ZMYM5: variants seen among roughly 807,000 people sequenced by gnomAD.
The protein encoded by ZMYM5 is zinc finger MYM-type protein 5.
A neutral mutation model predicts 61.8 loss-of-function variants in ZMYM5; 41 were observed. The observed-to-expected ratio is 0.66, with a 90% CI of 0.52 to 0.86. ZMYM5 has a LOEUF of 0.86. Ranked by LOEUF, ZMYM5 falls within the 40% of genes least tolerant of loss-of-function variation. ZMYM5 has a pLI of 0.00. For missense variants in ZMYM5, 706 were observed against 786.7 expected, an observed-to-expected ratio of 0.90 and a Z score of 1.23; for synonymous variants, 257 against 276.4, an observed-to-expected ratio of 0.93 and a Z score of 0.70.
Position 19,827,884 on chromosome 13 carries a change from T to A in ZMYM5, c.1252-2649A>T, listed in dbSNP as rs78619873. Among the ~76,000 whole-genome samples the A allele has an allele frequency of 6.3e-3, 948 of 151,248 alleles. 14 individuals are homozygous for A. The highest frequency in any genetic ancestry group is 0.021 in the African/African-American group (869 of 41,232). ...AATACAGAAAGTTAGCCAGGCGTAG[T>A]GGTGGGCGCCTGTAGTCCCAGCTAC... On this transcript the variant is annotated intron_variant, in intron 7 of 7. Transcript: ENST00000337963.
At chr13:19,840,166 G>C (rs1952817542) in intron 4 of ZMYM5, among the ~76,000 whole-genome samples, 1 of 152,182 alleles carries the variant, frequency 6.6e-6, no homozygotes, top group South Asian at 2.1e-4. Context: ...GGACAGGTGA[G>C]GTGGCTCATG....
At chr13:19,833,969 C>T (rs1053021591) in intron 7 of ZMYM5, among the ~76,000 whole-genome samples, 1 of 152,068 alleles carries the variant, frequency 6.6e-6, no homozygotes, top group African/African-American at 2.4e-5. Flanking sequence ...TTGAGACCCA[C>T]CTGTATTTCC....
In ZMYM5 at chr13:19,837,719, G is replaced by A. The variant is rs1952719269; in HGVS notation, c.975C>T (p.Asn325=). Residue 325 remains asparagine, a synonymous_variant, in exon 6 of 8, where the codon AAC becomes AAT. Coordinates refer to ENST00000337963, the MANE Select transcript of ZMYM5 (RefSeq NM_001142684.2). ...TAAAAACTCCTTTTTTAAGATTCCA[G>A]TTGTTTTCACAGGGAGACAAACAAG... ...STSCLSPCEN[N]WNLKKGVFNK... 3 of 1,579,322 alleles carry A rather than the reference G, an allele frequency of 1.9e-6. No individual in the cohort carries two copies. Among genetic ancestry groups the A allele is most frequent in the South Asian group, 1.2e-5 (1 of 84,802 alleles).
At chr13:19,834,999 T>C (rs1487950987) in intron 7 of ZMYM5, among the ~76,000 whole-genome samples, 2 of 151,584 alleles carry the variant, frequency 1.3e-5, no homozygotes, top group African/African-American at 2.4e-5. Flanking sequence ...TCTTTCTTTT[T>C]TTTTTTTTTT....
chr13:19,856,554 C>A (rs980193405), intron 2 of ZMYM5, among the ~76,000 whole-genome samples: 1 of 151,732 alleles, frequency 6.6e-6, no homozygotes, highest in South Asian at 2.1e-4. Context: ...ACAGGAGAAT[C>A]GCCTGAACCC....
intron 4 of ZMYM5, among the ~76,000 whole-genome samples, chr13:19,839,420 G>A (rs1022547295): frequency 2.7e-5 from 4 of 150,932 alleles, no homozygotes; most frequent in Non-Finnish European, 5.9e-5. Flanking sequence ...ACAGAATCTC[G>A]CTCTTTCTCC....
intron 7 of ZMYM5, among the ~76,000 whole-genome samples, chr13:19,834,312 A>C (rs1413439832): frequency 6.6e-6 from 1 of 151,020 alleles, no homozygotes. Context: ...AGAAGAAAAA[A>C]AATTTTTTTC....
chr13:19,838,853 G>T lies in ZMYM5; in HGVS notation c.719C>A (p.Ala240Asp). ...TTTGCAATTTGCACAAGTGATTTTA[G>T]CTGGTTTAGTAAGTTGTTGTTGGGC... ...PTAQQQLTKPAKITCANCKKP... is the reference protein window; with the variant it reads ...PTAQQQLTKPDKITCANCKKP... Residue 240 changes from alanine (A) to aspartate (D), a missense_variant, in exon 5 of 8, where the codon GCT becomes GAT. By Grantham distance (126) the Ala-to-Asp change is moderately radical. Coordinates refer to ENST00000337963, the MANE Select transcript of ZMYM5 (RefSeq NM_001142684.2). 1 of 1,614,122 alleles carries T rather than the reference G, an allele frequency of 6.2e-7. No homozygotes were observed. Among genetic ancestry groups the T allele is most frequent in the Non-Finnish European group, 8.5e-7 (1 of 1,180,032 alleles).
intron 1 of ZMYM5, among the ~76,000 whole-genome samples, chr13:19,863,125 C>A (rs1258257324): frequency 6.6e-6 from 1 of 151,990 alleles, no homozygotes. Context: ...GCCCAACCCG[C>A]CCCCCGCCAC....
chr13:19,860,149 G>A lies in ZMYM5; in HGVS notation c.-11+2250C>T, dbSNP rs149519307. Reference sequence around the variant, plus strand: ...AGAGGAAAAAAAAAGAATTATAGATGGAGTCTCACTCTGTCGCCCAGGCTG... The same window carrying A: ...AGAGGAAAAAAAAAGAATTATAGATAGAGTCTCACTCTGTCGCCCAGGCTG... On this transcript the variant is annotated intron_variant, in intron 2 of 7. Transcript: ENST00000337963. Among the ~76,000 whole-genome samples, 1,301 of 146,982 alleles carry A rather than the reference G, an allele frequency of 8.9e-3. 18 individuals carry two copies. The highest frequency in any genetic ancestry group is 0.029 in the African/African-American group (1,158 of 39,948).
intron 4 of ZMYM5, among the ~76,000 whole-genome samples, chr13:19,851,112 G>A (rs1208885928): frequency 6.6e-6 from 1 of 151,926 alleles, no homozygotes; most frequent in African/African-American, 2.4e-5. Context: ...AGGAGGCTCA[G>A]GCAGGAAAAA....
chr13:19,851,872 TGAA>T lies in ZMYM5; in HGVS notation c.306_308del (p.Ser103del), dbSNP rs778156808. On this transcript the variant is annotated inframe_deletion, in exon 3 of 8. Transcript: ENST00000337963. ...TTCCTTTCTGAGATGCCAAATCTCTTGAAGAAGGAGGAATTACAGAATAATTTC... is the reference window on the plus strand; with the variant it reads ...TTCCTTTCTGAGATGCCAAATCTCTTGAAGGAGGAATTACAGAATAATTTC... 251 of 1,612,044 alleles carry T rather than the reference TGAA, an allele frequency of 1.6e-4. No individual in the cohort carries two copies. The highest frequency in any genetic ancestry group is 2.9e-4 in the East Asian group (13 of 44,846).
In ZMYM5 at chr13:19,851,699, G is replaced by C. The variant is rs1953302682; in HGVS notation, c.482C>G (p.Ser161Ter). Residue 161 changes from serine (S) to a stop codon, truncating the protein, a stop_gained, in exon 3 of 8, where the codon TCA becomes TGA. Transcript: ENST00000337963. LOFTEE classifies it high-confidence loss of function. ...CATTCCTGCATTTACCTTACTTCTTGAAAGACTGGAAGTGGAGAAATCCAA... is the reference window on the plus strand; with the variant it reads ...CATTCCTGCATTTACCTTACTTCTTCAAAGACTGGAAGTGGAGAAATCCAA... ...NDLDFSTSSLSRSKTKTGVRP... is the reference protein window; with the variant it reads ...NDLDFSTSSL 6.4e-7 allele frequency: 1 copy of C among 1,569,860 alleles called. No individual in the cohort carries two copies. Among genetic ancestry groups the C allele is most frequent in the Non-Finnish European group, 8.6e-7 (1 of 1,165,042 alleles).
intron 2 of ZMYM5, among the ~76,000 whole-genome samples, chr13:19,857,577 G>A (rs1214066213): frequency 2.0e-5 from 3 of 152,142 alleles, no homozygotes; most frequent in Non-Finnish European, 2.9e-5. Context: ...ATTACTGCAG[G>A]AACTAGGTAC....
chr13:19,863,540 C>T lies in ZMYM5; in HGVS notation c.-169G>A, dbSNP rs1953859782. ...GGACTGGAAAGACAGCGGGGATAAG[C>T]GTCACCCGGTTCTGGCTGCGGCTGC... On this transcript the variant is annotated 5_prime_UTR_variant, in exon 1 of 8. Transcript: ENST00000337963. 1 of 152,854 alleles carries T rather than the reference C, an allele frequency of 6.5e-6. No individual in the cohort carries two copies. The highest frequency in any genetic ancestry group is 2.4e-5 in the African/African-American group (1 of 41,468). The allele number at this position is 152,854 out of a possible 1,614,324, so 9.5% of individuals were successfully genotyped here.
Position 19,852,173 on chromosome 13 carries a change from T to C in ZMYM5, c.8A>G (p.Lys3Arg), listed in dbSNP as rs141598153. The C allele has an allele frequency of 2.0e-5, 32 of 1,592,482 alleles. No individual in the cohort carries two copies. Among genetic ancestry groups the C allele is most frequent in the Non-Finnish European group, 8.5e-7 (1 of 1,173,132 alleles). ...CAACTCTAATCCTCCCACTGAACAT[T>C]TTTCCATGCCAATGAACCTGTAGAG... The part of the protein sequence containing the change: ME[K>R]CSVGGLELTE... Residue 3 changes from lysine (K) to arginine (R), a missense_variant, in exon 3 of 8, where the codon AAA (lysine) becomes AGA (arginine). By Grantham distance (26) the Lys-to-Arg change is conservative. Coordinates refer to ENST00000337963, the MANE Select transcript of ZMYM5 (RefSeq NM_001142684.2).
chr13:19,847,803 A>ATTTTTTT (rs34176871), intron 4 of ZMYM5, among the ~76,000 whole-genome samples: 9 of 79,884 alleles, frequency 1.1e-4, no homozygotes, highest in African/African-American at 2.4e-4. Flanking sequence ...TGCCCGGCTA[A>ATTTTTTT]TTTTTTTTTT....
At chr13:19,848,206 A>C (rs2138592632) in intron 4 of ZMYM5, among the ~76,000 whole-genome samples, 1 of 151,960 alleles carries the variant, frequency 6.6e-6, no homozygotes, top group Admixed American at 6.6e-5. Context: ...GCTGGTCTTG[A>C]ACTCCTGACC....
chr13:19,853,697 G>C (rs959562126), intron 2 of ZMYM5, among the ~76,000 whole-genome samples: 1 of 151,344 alleles, frequency 6.6e-6, no homozygotes, highest in Admixed American at 6.6e-5. Context: ...CACCTCCCAG[G>C]CTCAAGTGAT....
Sources: allele counts gnomAD v4.1 joint callset (sites outside exome capture counted in the v4.1 genomes callset), GRCh38; gene constraint gnomAD v4.1.1; transcripts MANE v1.5; gene names NCBI Gene and HGNC (gene_info 2026-07-23, HGNC 2026-07-21).